SDCCAG8: variants seen among roughly 807,000 people sequenced by gnomAD.
SDCCAG8 encodes the protein SHH signaling and ciliogenesis regulator SDCCAG8.
A neutral mutation model predicts 101.8 loss-of-function variants in SDCCAG8; 74 were observed. The observed-to-expected ratio is 0.73, with a 90% CI of 0.60 to 0.88. The LOEUF is 0.88. Ranked by LOEUF, SDCCAG8 falls within the 40% of genes least tolerant of loss-of-function variation. The pLI, the probability that SDCCAG8 is intolerant of heterozygous loss-of-function variation, is 0.00. For synonymous variants in SDCCAG8, 281 were observed against 292.9 expected (o/e 0.96, Z 0.41); for missense variants, 787 against 822.6 (o/e 0.96, Z 0.53).
chr1:243,300,471 T>TA (rs1402959140), intron 6 of SDCCAG8, among the ~76,000 whole-genome samples: 1 of 152,214 alleles, frequency 6.6e-6, no homozygotes, highest in Admixed American at 6.5e-5. Flanking sequence ...TCAATTCTGA[T>TA]AAAAAGCTTT....
chr1:243,409,004 C>T (rs867643849), intron 13 of SDCCAG8, among the ~76,000 whole-genome samples: 1 of 152,162 alleles, frequency 6.6e-6, no homozygotes, highest in African/African-American at 2.4e-5. Flanking sequence ...ATGCCATACT[C>T]TGACCCTCTA....
intron 13 of SDCCAG8, among the ~76,000 whole-genome samples, chr1:243,406,825 C>T (rs547893993): frequency 1.9e-4 from 29 of 152,288 alleles, no homozygotes; most frequent in African/African-American, 6.7e-4. Flanking sequence ...TATCTCTCCA[C>T]CCTGTGTCTT....
intron 16 of SDCCAG8, among the ~76,000 whole-genome samples, chr1:243,450,155 A>G (rs931579833): frequency 6.6e-6 from 1 of 152,088 alleles, no homozygotes; most frequent in African/African-American, 2.4e-5. Context: ...TTCTCTCCTC[A>G]TTAGATTGTG....
chr1:243,432,322 A>G (rs1205571826), intron 16 of SDCCAG8, among the ~76,000 whole-genome samples: 5 of 152,194 alleles, frequency 3.3e-5, no homozygotes, highest in Non-Finnish European at 7.3e-5. Context: ...AGTGGGAGCT[A>G]AATGATGAGA....
rs1485499149 is a variant in SDCCAG8 at position 243,474,459 on chromosome 1, C to T, written c.1986-14555C>T. ...CGCGGCTTCGGGACTCGGCCGAGCC[C>T]GGGCCTAGTATCCAGAGTCGAAGCA... On this transcript the variant is annotated intron_variant, in intron 16 of 17. Coordinates refer to ENST00000366541, the MANE Select transcript of SDCCAG8 (RefSeq NM_006642.5). The surrounding 1 kb of genome is among the most constrained non-coding windows in gnomAD (Gnocchi z 4.7). Among the ~76,000 whole-genome samples the T allele has an allele frequency of 1.3e-5, 2 of 152,176 alleles. No individual in the cohort carries two copies. Among genetic ancestry groups the T allele is most frequent in the East Asian group, 1.9e-4 (1 of 5,172 alleles).
intron 10 of SDCCAG8, 26 bp downstream of exon 10, chr1:243,330,718 A>G (rs955411959): frequency 5.6e-6 from 9 of 1,613,060 alleles, no homozygotes; most frequent in African/African-American, 1.3e-5. Context: ...GCTGTTATCC[A>G]CATTGCAGAA....
chr1:243,436,314 G>A (rs959875947), intron 16 of SDCCAG8, among the ~76,000 whole-genome samples: 3 of 151,772 alleles, frequency 2.0e-5, no homozygotes, highest in Admixed American at 6.6e-5. Context: ...TGTCCTACCT[G>A]TGGTCACCTA....
intron 16 of SDCCAG8, among the ~76,000 whole-genome samples, chr1:243,476,642 C>T (rs1015352484): frequency 3.3e-5 from 5 of 152,190 alleles, no homozygotes; most frequent in African/African-American, 9.7e-5. Context: ...GACCTCCATG[C>T]GTCTGATAGT....
chr1:243,261,558 A>G (rs1030188962), intron 1 of SDCCAG8, among the ~76,000 whole-genome samples: 2 of 152,224 alleles, frequency 1.3e-5, no homozygotes, highest in Non-Finnish European at 2.9e-5. Context: ...GTGGCTCACA[A>G]TTGTAGAAGG....
chr1:243,342,235 A>G (rs1391924567), intron 11 of SDCCAG8, among the ~76,000 whole-genome samples: 1 of 152,212 alleles, frequency 6.6e-6, no homozygotes, highest in Non-Finnish European at 1.5e-5. Context: ...TTCAGTTGAT[A>G]ATAGAGAGGC....
At chr1:243,454,609 T>C (rs1464530959) in intron 16 of SDCCAG8, among the ~76,000 whole-genome samples, 1 of 152,192 alleles carries the variant, frequency 6.6e-6, no homozygotes, top group Non-Finnish European at 1.5e-5. Flanking sequence ...CAGCTAAGCA[T>C]ATGTTATCTC....
At chr1:243,273,765 C>G (rs1239935748) in intron 3 of SDCCAG8, among the ~76,000 whole-genome samples, 1 of 152,168 alleles carries the variant, frequency 6.6e-6, no homozygotes, top group Non-Finnish European at 1.5e-5. Flanking sequence ...AGAGAGTTGT[C>G]CCTTGTATCT....
At chr1:243,403,404 T>A (rs1319330040) in intron 13 of SDCCAG8, among the ~76,000 whole-genome samples, 1 of 152,210 alleles carries the variant, frequency 6.6e-6, no homozygotes, top group Non-Finnish European at 1.5e-5. Context: ...TTCTAGGAAA[T>A]AATAAGGATA....
At position 243,457,737 on chromosome 1, in the gene SDCCAG8, T is replaced by C. The variant is rs187913691; in HGVS notation, c.1985+31179T>C. Among the ~76,000 whole-genome samples the C allele has an allele frequency of 1.2e-3, 180 of 152,322 alleles. 1 individual carries two copies. Among genetic ancestry groups the C allele is most frequent in the Non-Finnish European group, 2.5e-3 (167 of 68,038 alleles). ...TCAAAATTCATTCTTAAAAGAGAGA[T>C]CATTTCGATGTTTACATAATTGCAA... On this transcript the variant is annotated intron_variant, in intron 16 of 17. Coordinates refer to ENST00000366541, the MANE Select transcript of SDCCAG8 (RefSeq NM_006642.5).
intron 13 of SDCCAG8, among the ~76,000 whole-genome samples, chr1:243,388,731 A>G (rs2078483297): frequency 6.6e-6 from 1 of 151,160 alleles, no homozygotes; most frequent in Non-Finnish European, 1.5e-5. Context: ...AAAATTAGCC[A>G]GGCATGGTTG....
At chr1:243,435,970 C>T (rs775521254) in intron 16 of SDCCAG8, among the ~76,000 whole-genome samples, 25 of 152,028 alleles carry the variant, frequency 1.6e-4, no homozygotes, top group Non-Finnish European at 2.4e-4. Flanking sequence ...CATAGCCTCC[C>T]GCATTATCAG....
intron 12 of SDCCAG8, among the ~76,000 whole-genome samples, chr1:243,355,219 T>C (rs2076315975): frequency 1.3e-5 from 2 of 152,210 alleles, no homozygotes; most frequent in Admixed American, 1.3e-4. Context: ...CTGGCCTGCC[T>C]TCTGCCATCC....
At chr1:243,268,369 G>T (rs2067803839) in intron 1 of SDCCAG8, among the ~76,000 whole-genome samples, 2 of 152,126 alleles carry the variant, frequency 1.3e-5, no homozygotes, top group Non-Finnish European at 2.9e-5. Flanking sequence ...CTAAGTTATT[G>T]TAAAACTATC....
chr1:243,292,046 G>A (rs1284695499), intron 5 of SDCCAG8, among the ~76,000 whole-genome samples: 1 of 152,136 alleles, frequency 6.6e-6, no homozygotes, highest in South Asian at 2.1e-4. Flanking sequence ...AGGCACGTAG[G>A]GCAGGGTCCA....
Sources: allele counts gnomAD v4.1 joint callset (sites outside exome capture counted in the v4.1 genomes callset), GRCh38; gene constraint gnomAD v4.1.1; non-coding constraint Gnocchi (gnomAD v3.1); transcripts MANE v1.5; gene names NCBI Gene and HGNC (gene_info 2026-07-23, HGNC 2026-07-21).